The following AKT3 variants were observed in gnomAD, a reference collection of about 807,000 sequenced individuals.
AKT3 encodes the protein AKT serine/threonine kinase 3.
Under a neutral mutation model 65.3 loss-of-function variants are expected in AKT3, and 15 were observed. That is an observed-to-expected ratio of 0.23 (90% CI 0.15 to 0.35). The LOEUF is 0.35. Ranked by LOEUF, AKT3 falls within the 10% of genes least tolerant of loss-of-function variation. The pLI is 1.00. For missense variants in AKT3, 243 were observed against 576.5 expected (o/e 0.42, Z 5.92); for synonymous variants, 206 against 183.8 (o/e 1.12, Z -0.98).
chr1:243,782,370 A>G (rs1444518938), intron 2 of AKT3, among the ~76,000 whole-genome samples: 1 of 152,204 alleles, frequency 6.6e-6, no homozygotes, highest in Non-Finnish European at 1.5e-5. Flanking sequence ...CTGGAAGTCC[A>G]AGTACAAGGC....
chr1:243,688,651 T>C (rs1002314304), intron 3 of AKT3, among the ~76,000 whole-genome samples: 1 of 152,190 alleles, frequency 6.6e-6, no homozygotes, highest in African/African-American at 2.4e-5. Context: ...AACTGTATCT[T>C]GCTGACTGAC....
At chr1:243,764,323 T>C (rs1172781477) in intron 2 of AKT3, among the ~76,000 whole-genome samples, 2 of 152,002 alleles carry the variant, frequency 1.3e-5, no homozygotes, top group Non-Finnish European at 2.9e-5. Flanking sequence ...TGGAAGAAAA[T>C]TAGTCAAAAT....
chr1:243,562,108 A>C (rs575183882), intron 10 of AKT3, among the ~76,000 whole-genome samples: 1 of 152,296 alleles, frequency 6.6e-6, no homozygotes, highest in African/African-American at 2.4e-5. Flanking sequence ...AATAAACAAA[A>C]TGTGGTATAT....
chr1:243,627,256 G>A (rs905938863), intron 6 of AKT3, among the ~76,000 whole-genome samples: 3 of 151,906 alleles, frequency 2.0e-5, no homozygotes, highest in Non-Finnish European at 2.9e-5. Flanking sequence ...CACTTTGGGA[G>A]GCCAAGGCAG....
chr1:243,589,748 C>T (rs1183539996), intron 8 of AKT3, among the ~76,000 whole-genome samples: 1 of 152,146 alleles, frequency 6.6e-6, no homozygotes, highest in African/African-American at 2.4e-5. Context: ...CCCACATACA[C>T]TGTAGCATTA....
At position 243,503,089 on chromosome 1, in the gene AKT3, A is replaced by C. The variant is rs1310383772; in HGVS notation, c.*2160T>G. ...TTTTTGTCAAAATGAAACATTCAAC[A>C]TAATTCCAAGTGAAAAAAAAAAGAT... On this transcript the variant is annotated 3_prime_UTR_variant, in exon 14 of 14. Coordinates refer to ENST00000673466, the MANE Select transcript of AKT3 (RefSeq NM_005465.7). 1.3e-5 allele frequency: 3 copies of C among 233,518 alleles called. No homozygotes were observed. Among genetic ancestry groups the C allele is most frequent in the Admixed American group, 5.6e-5 (1 of 17,766 alleles). 14.5% of individuals were successfully genotyped at this position (233,518 alleles called of 1,614,324 possible).
At chr1:243,742,205 A>G (rs1688202552) in intron 2 of AKT3, among the ~76,000 whole-genome samples, 1 of 152,216 alleles carries the variant, frequency 6.6e-6, no homozygotes, top group Non-Finnish European at 1.5e-5. Flanking sequence ...CCAAGGGGCC[A>G]CTATGTCTGT....
rs373760187 is a variant in AKT3, at chr1:243,629,815, T to C, written c.561+7796A>G. On this transcript the variant is annotated intron_variant, in intron 6 of 13. Transcript: ENST00000673466. The stretch of plus-strand genomic sequence containing the variant: ...TCCAAAAATAAAAATAAAAAAGATA[T>C]GGGAGATATGCAGCAATGCAGACAG... 1.1e-4 allele frequency among the ~76,000 whole-genome samples: 16 copies of C among 151,934 alleles called. No individual in the cohort carries two copies. In the East Asian group the frequency reaches 1.2e-3, roughly 11 times the overall value.
chr1:243,649,357 G>GTA (rs1160820860), intron 4 of AKT3, among the ~76,000 whole-genome samples: 222 of 147,914 alleles, frequency 1.5e-3, no homozygotes, highest in African/African-American at 2.8e-3. Context: ...GTGTGTGTGT[G>GTA]TATGTTGGGT....
chr1:243,495,881 G>A (rs1044546172), downstream of AKT3, among the ~76,000 whole-genome samples: 5 of 152,180 alleles, frequency 3.3e-5, no homozygotes, highest in Admixed American at 3.3e-4. Flanking sequence ...ATCTGCCAGA[G>A]CAAGCAGGAG....
intron 12 of AKT3, among the ~76,000 whole-genome samples, chr1:243,531,022 G>T (rs1433465588): frequency 6.6e-6 from 1 of 152,114 alleles, no homozygotes; most frequent in Non-Finnish European, 1.5e-5. Flanking sequence ...ATGTAAAATA[G>T]TTACTGCTAA....
At chr1:243,696,182 T>G (rs912476751) in intron 2 of AKT3, among the ~76,000 whole-genome samples, 3 of 151,898 alleles carry the variant, frequency 2.0e-5, no homozygotes, top group African/African-American at 7.2e-5. Flanking sequence ...AAGTCTATTT[T>G]CATTAATAAA....
chr1:243,770,978 G>C (rs78311440), intron 2 of AKT3, among the ~76,000 whole-genome samples: 1 of 152,030 alleles, frequency 6.6e-6, no homozygotes, highest in Admixed American at 6.6e-5. Context: ...AAAGATATAT[G>C]GGGGGAGGAG....
intron 2 of AKT3, among the ~76,000 whole-genome samples, chr1:243,826,934 T>G (rs1694205103): frequency 6.6e-6 from 1 of 152,118 alleles, no homozygotes; most frequent in East Asian, 1.9e-4. Flanking sequence ...CCGGGACAAA[T>G]TAAATTAAAT....
intron 2 of AKT3, among the ~76,000 whole-genome samples, chr1:243,716,191 T>C (rs1005584610): frequency 6.6e-6 from 1 of 152,078 alleles, no homozygotes; most frequent in Non-Finnish European, 1.5e-5. Context: ...TAAAGGGGAA[T>C]AGGGATAATT....
At chr1:243,605,192 G>C (rs1360820735) in intron 8 of AKT3, among the ~76,000 whole-genome samples, 1 of 151,492 alleles carries the variant, frequency 6.6e-6, no homozygotes, top group African/African-American at 2.4e-5. Context: ...ACCATACATG[G>C]CTAACTTTTT....
At chr1:243,543,383 G>C (rs1275196888) in intron 12 of AKT3, among the ~76,000 whole-genome samples, 1 of 152,042 alleles carries the variant, frequency 6.6e-6, no homozygotes, top group African/African-American at 2.4e-5. Context: ...TCCATATTTT[G>C]GCCCTTCCTT....
chr1:243,715,348 T>C (rs958845036), intron 2 of AKT3, among the ~76,000 whole-genome samples: 1 of 152,076 alleles, frequency 6.6e-6, no homozygotes, highest in African/African-American at 2.4e-5. Flanking sequence ...ATATGACCAA[T>C]TTACACCTTG....
intron 1 of AKT3, among the ~76,000 whole-genome samples, chr1:243,845,451 A>G: frequency 7.0e-6 from 1 of 142,466 alleles, no homozygotes; most frequent in Non-Finnish European, 1.5e-5. Flanking sequence ...AAAAATACAA[A>G]AATTAGCTGG....
Sources: gnomAD v4.1 joint callset for allele counts (sites outside exome capture counted in the v4.1 genomes callset) on GRCh38, gnomAD v4.1.1 for gene constraint, MANE v1.5 for transcripts, NCBI Gene and HGNC (gene_info 2026-07-23, HGNC 2026-07-21) for gene names.